The following RB1 variants were observed in gnomAD, a reference collection of about 807,000 sequenced individuals.
RB1 encodes the protein retinoblastoma-associated protein.
Under a neutral mutation model 135.4 loss-of-function variants are expected in RB1, and 18 were observed. That is an observed-to-expected ratio of 0.13 (90% confidence interval 0.09 to 0.20). The LOEUF is 0.20. Among genes scored for constraint, RB1 ranks in the 10% least tolerant of loss-of-function variants. The pLI is 1.00. For missense variants in RB1, 868 were observed against 1,110.0 expected (o/e 0.78, Z 3.10); for synonymous variants, 365 against 373.2 (o/e 0.98, Z 0.25).
At chr13:48,377,106 A>G (rs1952834325) in intron 13 of RB1, 72 bp downstream of exon 13, 2 of 1,430,646 alleles carry the variant, frequency 1.4e-6, no homozygotes, top group South Asian at 1.1e-5. Flanking sequence ...TCCAGTTCGT[A>G]TAAATACTCT....
At chr13:48,398,949 A>G (rs531000314) in intron 17 of RB1, among the ~76,000 whole-genome samples, 14 of 152,222 alleles carry the variant, frequency 9.2e-5, no homozygotes, top group African/African-American at 3.4e-4. Context: ...GTGCACTGTG[A>G]CTATTGGTCT....
intron 2 of RB1, among the ~76,000 whole-genome samples, chr13:48,323,416 ATCTT>A: frequency 6.6e-6 from 1 of 151,502 alleles, no homozygotes; most frequent in Non-Finnish European, 1.5e-5. Context: ...TCTCTCTTTT[ATCTT>A]GGTCAGTCTA....
chr13:48,480,174 A>G lies in RB1; in HGVS notation c.*103A>G, dbSNP rs1290343121. Reference sequence around the variant, plus strand: ...CAGGTTCTGTTTATGGCCACATTTAATATCTTCAGCTCTTTTTGTGGATAT... The same window carrying G: ...CAGGTTCTGTTTATGGCCACATTTAGTATCTTCAGCTCTTTTTGTGGATAT... On this transcript the variant is annotated 3_prime_UTR_variant, in exon 27 of 27. Transcript: ENST00000267163. 4.3e-6 allele frequency: 4 copies of G among 933,354 alleles called. No individual in the cohort carries two copies. Among genetic ancestry groups the G allele is most frequent in the Non-Finnish European group, 6.9e-6 (4 of 578,666 alleles). 57.8% of individuals were successfully genotyped at this position (933,354 alleles called of 1,614,324 possible). A position where few individuals can be genotyped will look rare whatever the true frequency, so the allele number is the denominator to read the frequency against.
chr13:48,430,714 T>C (rs947910145), intron 17 of RB1, among the ~76,000 whole-genome samples: 1 of 151,886 alleles, frequency 6.6e-6, no homozygotes, highest in African/African-American at 2.4e-5. Flanking sequence ...CACTCTAGCC[T>C]GGGTGACAGA....
intron 17 of RB1, among the ~76,000 whole-genome samples, chr13:48,435,124 A>G (rs1404802584): frequency 2.6e-5 from 4 of 152,218 alleles, no homozygotes; most frequent in African/African-American, 4.8e-5. Flanking sequence ...TTTCTTTGAT[A>G]AAAGACTGCA....
At chr13:48,412,253 A>G in intron 17 of RB1, 3 of 1,614,142 alleles carry the variant, frequency 1.9e-6, no homozygotes, top group Non-Finnish European at 2.5e-6. Flanking sequence ...TTGCCAAGTT[A>G]ATCATGTAAG....
chr13:48,318,897 C>G, intron 2 of RB1: 1 of 1,145,778 alleles, frequency 8.7e-7, no homozygotes, highest in Non-Finnish European at 1.3e-6. Context: ...ATGCTGTCGT[C>G]GCTGTCCACG....
chr13:48,465,075 A>T lies in RB1; in HGVS notation c.2289A>T (p.Arg763Ser), dbSNP rs1167280920. The T allele has an allele frequency of 2.4e-5, 38 of 1,612,320 alleles. No individual in the cohort carries two copies. Among genetic ancestry groups the T allele is most frequent in the Non-Finnish European group, 3.1e-5 (37 of 1,179,806 alleles). ...IVFYNSVFMQ[R>S]LKTNILQYAS... ...TCTATAACTCGGTCTTCATGCAGAG[A>T]CTGAAAACAAATATTTTGCAGTATG... is the stretch of plus-strand genomic sequence containing the variant. The change falls in exon 22 of 27, where the codon AGA becomes AGT. Residue 763 changes from arginine to serine, a missense_variant. Transcript: ENST00000267163.
intron 17 of RB1, among the ~76,000 whole-genome samples, chr13:48,393,430 G>T (rs1948625588): frequency 6.6e-6 from 1 of 152,144 alleles, no homozygotes; most frequent in Admixed American, 6.5e-5. Context: ...CAATAATGAG[G>T]CTCACCATTT....
chr13:48,474,692 A>G (rs1411122993), intron 24 of RB1, among the ~76,000 whole-genome samples: 1 of 152,022 alleles, frequency 6.6e-6, no homozygotes, highest in Non-Finnish European at 1.5e-5. Flanking sequence ...AATTGTTTGC[A>G]TGAGATCCTG....
At chr13:48,355,649 C>T (rs1230793136) in intron 6 of RB1, among the ~76,000 whole-genome samples, 5 of 152,046 alleles carry the variant, frequency 3.3e-5, no homozygotes, top group African/African-American at 1.2e-4. Context: ...TTTACAATAG[C>T]TAAGATTTGA....
intron 12 of RB1, among the ~76,000 whole-genome samples, chr13:48,374,113 A>G (rs1222242309): frequency 2.0e-5 from 3 of 152,098 alleles, no homozygotes; most frequent in Non-Finnish European, 4.4e-5. Context: ...ATACCCCTAC[A>G]ATCTTTTTCA....
chr13:48,365,763 G>A (rs1352873507), intron 9 of RB1, among the ~76,000 whole-genome samples: 1 of 152,018 alleles, frequency 6.6e-6, no homozygotes, highest in Admixed American at 6.6e-5. Flanking sequence ...TATATGTCAG[G>A]CACGTGCTAG....
At chr13:48,352,037 A>T (rs1239686552) in intron 6 of RB1, among the ~76,000 whole-genome samples, 2 of 152,098 alleles carry the variant, frequency 1.3e-5, no homozygotes, top group Non-Finnish European at 2.9e-5. Context: ...GTCCAGCTTC[A>T]ATCTTCTGCA....
At chr13:48,392,981 A>G (rs147920295) in intron 17 of RB1, among the ~76,000 whole-genome samples, 1 of 152,024 alleles carries the variant, frequency 6.6e-6, no homozygotes, top group Non-Finnish European at 1.5e-5. Flanking sequence ...TTGTTTTTGG[A>G]CACAGAGCAG....
At chr13:48,310,937 G>T (rs1333305771) in intron 2 of RB1, among the ~76,000 whole-genome samples, 1 of 152,144 alleles carries the variant, frequency 6.6e-6, no homozygotes, top group African/African-American at 2.4e-5. Context: ...TATAGCATAT[G>T]AATAGGACTT....
At chr13:48,454,432 G>A (rs1436858368) in intron 18 of RB1, among the ~76,000 whole-genome samples, 1 of 152,162 alleles carries the variant, frequency 6.6e-6, no homozygotes, top group East Asian at 1.9e-4. Context: ...GTAATGCATT[G>A]TATAAATAAG....
chr13:48,377,379 G>T (rs886070997), intron 13 of RB1, among the ~76,000 whole-genome samples: 1 of 152,106 alleles, frequency 6.6e-6, no homozygotes, highest in Non-Finnish European at 1.5e-5. Flanking sequence ...ATGTGAATGG[G>T]ACTATACATG....
At chr13:48,383,932 T>G (rs191508975) in intron 17 of RB1, among the ~76,000 whole-genome samples, 140 of 152,222 alleles carry the variant, frequency 9.2e-4, no homozygotes, top group Middle Eastern at 3.4e-3. Context: ...TATCAACACA[T>G]ATTTATTGAA....
Sources: allele counts gnomAD v4.1 joint callset (sites outside exome capture counted in the v4.1 genomes callset), GRCh38; gene constraint gnomAD v4.1.1; transcripts MANE v1.5; gene names NCBI Gene and HGNC (gene_info 2026-07-23, HGNC 2026-07-21).